The following PACRG variants were observed in gnomAD, a reference collection of about 807,000 sequenced individuals.
PACRG encodes the protein parkin coregulated gene protein.
In PACRG, 29 loss-of-function variants were observed where a neutral mutation model predicts 29.7. That is an observed-to-expected ratio of 0.98 (90% CI 0.73 to 1.33). PACRG has a LOEUF of 1.33. Ranked by LOEUF, PACRG falls within the 40% of genes most tolerant of loss-of-function variation. The probability of loss-of-function intolerance (pLI) is 0.00; values close to 1 mark genes in which losing one functional copy is unlikely to be tolerated. For missense variants in PACRG, 279 were observed against 316.2 expected (o/e 0.88, Z 0.89); for synonymous variants, 116 against 118.7 (o/e 0.98, Z 0.15).
chr6:162,824,697 A>G (rs1226267401), intron 2 of PACRG, among the ~76,000 whole-genome samples: 1 of 152,200 alleles, frequency 6.6e-6, no homozygotes, highest in East Asian at 1.9e-4. Context: ...TGACTTGTCT[A>G]TTCATAAAGG....
intron 4 of PACRG, among the ~76,000 whole-genome samples, chr6:163,219,693 C>G (rs956976381): frequency 6.9e-6 from 1 of 145,960 alleles, no homozygotes; most frequent in African/African-American, 2.8e-5. Flanking sequence ...GCCTGAATTT[C>G]CCACCTGCCT....
At chr6:162,794,753 G>T (rs1204328510) in intron 1 of PACRG, among the ~76,000 whole-genome samples, 2 of 152,036 alleles carry the variant, frequency 1.3e-5, no homozygotes, top group Non-Finnish European at 2.9e-5. Context: ...AATCACTCAA[G>T]AAATATTTAT....
chr6:162,816,729 G>C (rs1787383635), intron 2 of PACRG, among the ~76,000 whole-genome samples: 1 of 152,172 alleles, frequency 6.6e-6, no homozygotes, highest in Admixed American at 6.5e-5. Flanking sequence ...CACATTTGAT[G>C]AAAGGACAAT....
chr6:162,727,612 C>T (rs1387365288), upstream of PACRG: 3 of 1,560,562 alleles, frequency 1.9e-6, no homozygotes, highest in Non-Finnish European at 2.6e-6. Context: ...GGCGCCATAC[C>T]GGGGCGTGGG....
intron 4 of PACRG, among the ~76,000 whole-genome samples, chr6:163,287,389 C>A (rs1195124161): frequency 2.0e-5 from 3 of 152,160 alleles, no homozygotes; most frequent in Admixed American, 2.0e-4. Context: ...ACCCCAGAAG[C>A]CGGGGACCCT....
At chr6:162,744,727 A>G (rs1780856948) in intron 1 of PACRG, among the ~76,000 whole-genome samples, 1 of 152,200 alleles carries the variant, frequency 6.6e-6, no homozygotes, top group African/African-American at 2.4e-5. Context: ...AGTAATCCAT[A>G]AAAAATTGTT....
Position 163,063,636 on chromosome 6 carries a change from A to T in PACRG, c.463+1315A>T, listed in dbSNP as rs555635730. On this transcript the variant is annotated intron_variant, in intron 3 of 4. Transcript: ENST00000366888. ...GTTCTGCTCTTACTGCTTGCATCAA[A>T]TCAACTCTGAAACTCTCCCTCAGAT... Among the ~76,000 whole-genome samples, 73 of 152,340 alleles carry T rather than the reference A, an allele frequency of 4.8e-4. 1 individual carries two copies. Among genetic ancestry groups the T allele is most frequent in the African/African-American group, 1.6e-3 (67 of 41,584 alleles).
intron 2 of PACRG, among the ~76,000 whole-genome samples, chr6:163,027,568 G>T (rs1415338732): frequency 2.6e-5 from 4 of 151,984 alleles, no homozygotes; most frequent in African/African-American, 9.7e-5. Flanking sequence ...TCTTATTATG[G>T]TGTTTTAGAA....
intron 4 of PACRG, among the ~76,000 whole-genome samples, chr6:163,184,148 G>A (rs1309108192): frequency 2.0e-5 from 3 of 152,212 alleles, no homozygotes; most frequent in African/African-American, 7.2e-5. Flanking sequence ...TTAAGCTGCA[G>A]ATAAAAGACA....
intron 4 of PACRG, among the ~76,000 whole-genome samples, chr6:163,302,187 A>G (rs1785028556): frequency 1.3e-5 from 2 of 152,216 alleles, no homozygotes; most frequent in Admixed American, 1.3e-4. Context: ...TTAAATGGCC[A>G]CATTCAAAAC....
intron 4 of PACRG, among the ~76,000 whole-genome samples, chr6:163,284,973 T>C (rs1585399424): frequency 6.6e-6 from 1 of 152,238 alleles, no homozygotes; most frequent in Non-Finnish European, 1.5e-5. Context: ...TCACATTGCC[T>C]GGGGCAGTGC....
intron 4 of PACRG, among the ~76,000 whole-genome samples, chr6:163,167,550 CAA>C (rs1203412449): frequency 6.6e-6 from 1 of 152,058 alleles, no homozygotes; most frequent in African/African-American, 2.4e-5. Context: ...TAAATCTTCC[CAA>C]GTCAATAATA....
At position 162,814,924 on chromosome 6, in the gene PACRG, G is replaced by A. The variant is rs530443618; in HGVS notation, c.291+643G>A. Among the ~76,000 whole-genome samples, 4 of 152,290 alleles carry A rather than the reference G, an allele frequency of 2.6e-5. No homozygotes were observed. The South Asian group carries it at 6.2e-4, about 24-fold the overall frequency. On this transcript the variant is annotated intron_variant, in intron 2 of 4. Transcript: ENST00000366888. ...TGCCTAATGACTCCATTCTAATGTG[G>A]TTGTGTTCCTTTGTAAAAGGCTCAC...
intron 2 of PACRG, among the ~76,000 whole-genome samples, chr6:163,031,568 C>T (rs982511672): frequency 3.3e-5 from 5 of 152,288 alleles, no homozygotes; most frequent in Admixed American, 6.5e-5. Flanking sequence ...TTACTAAAGA[C>T]AAATCAGCAA....
chr6:163,082,424 A>G (rs1487549484), intron 3 of PACRG, among the ~76,000 whole-genome samples: 3 of 152,204 alleles, frequency 2.0e-5, no homozygotes, highest in Non-Finnish European at 4.4e-5. Context: ...TTGAGAGAAT[A>G]TTGAGAAAGA....
chr6:163,089,355 T>G lies in PACRG; in HGVS notation c.560T>G (p.Val187Gly). The G allele has an allele frequency of 6.2e-7, 1 of 1,614,188 alleles. No individual in the cohort carries two copies. Among genetic ancestry groups the G allele is most frequent in the Non-Finnish European group, 8.5e-7 (1 of 1,180,020 alleles). Reference protein sequence around the residue: ...VSAEMVGKALVPYYRQILPVL... With the variant: ...VSAEMVGKALGPYYRQILPVL... Reference sequence around the variant, plus strand: ...GCTGAGATGGTGGGCAAGGCCTTGGTGCCTTATTACCGTCAAATCCTCCCT... The same window carrying G: ...GCTGAGATGGTGGGCAAGGCCTTGGGGCCTTATTACCGTCAAATCCTCCCT... The change falls in exon 4 of 5, where the codon GTG becomes GGG. Residue 187 changes from valine (V) to glycine (G), a missense_variant. By Grantham distance (109) the Val-to-Gly change is moderately radical. Transcript: ENST00000366888.
intron 2 of PACRG, among the ~76,000 whole-genome samples, chr6:162,912,452 T>G (rs1285088701): frequency 6.6e-6 from 1 of 152,172 alleles, no homozygotes; most frequent in Non-Finnish European, 1.5e-5. Context: ...TATCACCACA[T>G]CCTTGCCAGC....
intron 2 of PACRG, among the ~76,000 whole-genome samples, chr6:162,986,960 C>T (rs532405771): frequency 9.2e-5 from 14 of 151,806 alleles, no homozygotes; most frequent in African/African-American, 3.4e-4. Flanking sequence ...TGGCTTTCAA[C>T]TTTCTCTGGT....
At chr6:163,294,058 T>G (rs1389557720) in intron 4 of PACRG, among the ~76,000 whole-genome samples, 2 of 151,692 alleles carry the variant, frequency 1.3e-5, no homozygotes, top group Non-Finnish European at 2.9e-5. Flanking sequence ...CCCAAAAAAA[T>G]TAACATTTTT....
Sources: gnomAD v4.1 joint callset for allele counts (sites outside exome capture counted in the v4.1 genomes callset) on GRCh38, gnomAD v4.1.1 for gene constraint, MANE v1.5 for transcripts, NCBI Gene and HGNC (gene_info 2026-07-23, HGNC 2026-07-21) for gene names.